Variants in CPB1 observed in about 807,000 individuals in gnomAD.
CPB1 encodes carboxypeptidase B1.
CPB1 carries 53 observed loss-of-function variants against 51.4 expected under a neutral mutation model. That is an observed-to-expected ratio of 1.03 (90% CI 0.83 to 1.30). The LOEUF is 1.30. Among genes scored for constraint, CPB1 ranks in the 50% most tolerant of loss-of-function variants. The pLI is 0.00. For missense variants in CPB1, 494 were observed against 516.2 expected (o/e 0.96, Z 0.42); for synonymous variants, 189 against 186.9 (o/e 1.01, Z -0.09).
chr3:148,854,853 C>T (rs1713530264), intron 9 of CPB1: 1 of 152,178 alleles, frequency 6.6e-6, no homozygotes, highest in East Asian at 1.9e-4. Context: ...AGGAGAGGGG[C>T]TCAATGCTTC....
chr3:148,857,866 T>G (rs1179868919), intron 10 of CPB1, among the ~76,000 whole-genome samples: 1 of 152,044 alleles, frequency 6.6e-6, no homozygotes, highest in African/African-American at 2.4e-5. Context: ...ACCATTGCAC[T>G]CCAGCCCGGG....
intron 9 of CPB1, among the ~76,000 whole-genome samples, chr3:148,850,282 T>A (rs907640825): frequency 3.3e-5 from 3 of 91,298 alleles, no homozygotes; most frequent in African/African-American, 1.1e-4. Flanking sequence ...TTAATTGAAG[T>A]TTTTTTTGTT....
intron 3 of CPB1, 37 bp downstream of exon 3, chr3:148,834,659 C>T (rs369172373): frequency 5.1e-6 from 8 of 1,577,342 alleles, no homozygotes; most frequent in Non-Finnish European, 6.9e-6. Context: ...AATTCTCTCC[C>T]ATGCATGCTT....
chr3:148,831,994 T>C (rs1332739017), intron 2 of CPB1, among the ~76,000 whole-genome samples: 1 of 152,118 alleles, frequency 6.6e-6, no homozygotes, highest in Non-Finnish European at 1.5e-5. Flanking sequence ...CTAACTCCAG[T>C]ATAGTGGGTC....
chr3:148,830,345 A>G (rs917185403), intron 2 of CPB1, among the ~76,000 whole-genome samples: 6 of 152,194 alleles, frequency 3.9e-5, no homozygotes, highest in Non-Finnish European at 8.8e-5. Context: ...CATAGTGGTC[A>G]AGAGCAGAGA....
At chr3:148,841,973 T>C in intron 6 of CPB1, 49 bp downstream of exon 6, 1 of 1,280,370 alleles carries the variant, frequency 7.8e-7, no homozygotes, top group Non-Finnish European at 1.1e-6. Flanking sequence ...TGTTTTAATT[T>C]TCAATTAATT....
chr3:148,848,539 T>C (rs1379774247), intron 9 of CPB1, among the ~76,000 whole-genome samples: 1 of 152,184 alleles, frequency 6.6e-6, no homozygotes, highest in East Asian at 1.9e-4. Flanking sequence ...AAAAAATATA[T>C]ATGTTTCAAG....
At chr3:148,850,503 C>A (rs548589553) in intron 9 of CPB1, among the ~76,000 whole-genome samples, 4 of 152,058 alleles carry the variant, frequency 2.6e-5, no homozygotes, top group Non-Finnish European at 5.9e-5. Flanking sequence ...GGGGTTTCAC[C>A]GTGTTAGCCA....
At chr3:148,838,627 T>C (rs1338857384) in intron 3 of CPB1, among the ~76,000 whole-genome samples, 3 of 152,166 alleles carry the variant, frequency 2.0e-5, no homozygotes, top group African/African-American at 7.2e-5. Flanking sequence ...GTTATGACAG[T>C]GGTAACTGGG....
At position 148,845,632 on chromosome 3, in the gene CPB1, T is replaced by C. The variant is rs1713214097; in HGVS notation, c.981+6T>C. On this transcript the variant is annotated splice_donor_region_variant and intron_variant, in intron 9 of 10. Transcript: ENST00000282957. ...GTGAGAACAATGCTGAGTTGGTAAG[T>C]AGCAAAGTAGTAGGTATGACATTTT... 6.2e-7 allele frequency: 1 copy of C among 1,601,264 alleles called. No homozygotes were observed. Among genetic ancestry groups the C allele is most frequent in the Non-Finnish European group, 8.6e-7 (1 of 1,168,538 alleles).
chr3:148,843,370 T>C (rs1025099163), intron 6 of CPB1, among the ~76,000 whole-genome samples: 8 of 151,954 alleles, frequency 5.3e-5, no homozygotes, highest in African/African-American at 1.4e-4. Context: ...TTTAAATATA[T>C]AATAATATTA....
chr3:148,841,511 C>T (rs191910325), intron 5 of CPB1, among the ~76,000 whole-genome samples: 24 of 152,250 alleles, frequency 1.6e-4, no homozygotes, highest in Non-Finnish European at 3.2e-4. Context: ...GTCATGTCAC[C>T]TAATAACAGC....
At chr3:148,848,366 G>T (rs6804683) in intron 9 of CPB1, among the ~76,000 whole-genome samples, 3,391 of 152,026 alleles carry the variant, frequency 0.022, 120 homozygotes, top group African/African-American at 0.078. Flanking sequence ...CTCTGCTGCA[G>T]AAAACAAAAG....
At chr3:148,828,970 C>T (rs1307037961) in intron 2 of CPB1, among the ~76,000 whole-genome samples, 1 of 152,166 alleles carries the variant, frequency 6.6e-6, no homozygotes, top group Admixed American at 6.5e-5. Flanking sequence ...TTCTGGGAAA[C>T]AGCATCCCCA....
At chr3:148,837,785 A>G (rs190799285) in intron 3 of CPB1, among the ~76,000 whole-genome samples, 2 of 152,014 alleles carry the variant, frequency 1.3e-5, no homozygotes, top group East Asian at 3.9e-4. Flanking sequence ...TTACTAGAGG[A>G]TATTTTTACT....
chr3:148,839,250 A>C (rs2108013993), intron 3 of CPB1, among the ~76,000 whole-genome samples: 1 of 152,322 alleles, frequency 6.6e-6, no homozygotes, highest in Admixed American at 6.5e-5. Flanking sequence ...ACCTCTCAGA[A>C]CTAGAAAGGG....
At chr3:148,849,614 A>G (rs552009152) in intron 9 of CPB1, among the ~76,000 whole-genome samples, 1 of 152,160 alleles carries the variant, frequency 6.6e-6, no homozygotes, top group East Asian at 1.9e-4. Flanking sequence ...GAAAAATGGG[A>G]AGCCAGAAGA....
At position 148,844,475 on chromosome 3, in the gene CPB1, C is replaced by T. The variant is rs1444194412; in HGVS notation, c.577-3C>T. On this transcript the variant is annotated splice_region_variant and splice_polypyrimidine_tract_variant and intron_variant, in intron 6 of 10. Coordinates refer to ENST00000282957, the MANE Select transcript of CPB1 (RefSeq NM_001871.3). The stretch of plus-strand genomic sequence containing the variant: ...GAAATTCCTCTTCATAATTCACATA[C>T]AGGCTGTTCGTACCTATGGACGTGA... 3 of 1,606,374 alleles carry T rather than the reference C, an allele frequency of 1.9e-6. No individual in the cohort carries two copies. Among genetic ancestry groups the T allele is most frequent in the East Asian group, 4.5e-5 (2 of 44,846 alleles).
chr3:148,828,821 T>C (rs933163879), intron 2 of CPB1, among the ~76,000 whole-genome samples: 27 of 152,044 alleles, frequency 1.8e-4, no homozygotes, highest in African/African-American at 6.5e-4. Flanking sequence ...CATAAACATA[T>C]ATAGTCATTT....
Sources: allele counts gnomAD v4.1 joint callset (sites outside exome capture counted in the v4.1 genomes callset), GRCh38; gene constraint gnomAD v4.1.1; transcripts MANE v1.5; gene names NCBI Gene and HGNC (gene_info 2026-07-23, HGNC 2026-07-21).